The following KATNAL2 variants were observed in gnomAD, a reference collection of about 807,000 sequenced individuals.
KATNAL2 encodes the protein katanin p60 ATPase-containing subunit A-like 2.
KATNAL2 carries 52 observed loss-of-function variants against 76.3 expected under a neutral mutation model. The ratio of observed to expected loss-of-function variants is 0.68; its 90% CI spans 0.55 to 0.86. The LOEUF (loss-of-function observed/expected upper bound fraction) is 0.86. Among genes scored for constraint, KATNAL2 ranks in the 40% least tolerant of loss-of-function variants. KATNAL2 has a pLI of 0.00. For missense variants in KATNAL2, 660 were observed against 668.9 expected, an observed-to-expected ratio of 0.99 and a Z score of 0.15; for synonymous variants, 243 against 244.2, an observed-to-expected ratio of 1.00 and a Z score of 0.05.
intron 1 of KATNAL2, among the ~76,000 whole-genome samples, chr18:46,937,198 T>G (rs1203052991): frequency 6.6e-6 from 1 of 152,096 alleles, no homozygotes; most frequent in East Asian, 1.9e-4. Context: ...GTGATCTTCC[T>G]AAATCGCATA....
In KATNAL2 at chr18:47,058,283, GC is replaced by G; in HGVS notation, c.385del (p.Arg129GlyfsTer24). 1.2e-6 allele frequency: 2 copies of G among 1,614,044 alleles called. No individual in the cohort carries two copies. Among genetic ancestry groups the G allele is most frequent in the East Asian group, 2.2e-5 (1 of 44,864 alleles). On this transcript the variant is annotated frameshift_variant, in exon 7 of 18. Coordinates refer to ENST00000683218, the MANE Select transcript of KATNAL2 (RefSeq NM_001387690.1). LOFTEE classifies it high-confidence loss of function. The stretch of plus-strand genomic sequence containing the variant: ...ATCTTCCCAAGATCAATCAGCAGAG[GC>G]CCCGGTCCAAAACCACAGCGGGGAA... ...QNLPKINQQRPRSKTTAGKTG... is the reference protein window; with the variant it reads ...QNLPKINQQRXRSKTTAGKTG...
At chr18:46,965,581 GCCCC>G (rs2510018) in intron 3 of KATNAL2, among the ~76,000 whole-genome samples, 13 of 73,848 alleles carry the variant, frequency 1.8e-4, no homozygotes, top group Non-Finnish European at 1.5e-4. Flanking sequence ...TAGCATCCCC[GCCCC>G]CCCCCCCCCG....
chr18:46,919,007 ATGTG>A (rs112427539), intron 1 of KATNAL2, among the ~76,000 whole-genome samples: 5,113 of 143,250 alleles, frequency 0.036, 226 homozygotes, highest in African/African-American at 0.12. Context: ...ATATATATAT[ATGTG>A]TGTGTGTGTG....
At chr18:47,086,393 C>T (rs1330502989) in intron 15 of KATNAL2, among the ~76,000 whole-genome samples, 6 of 152,182 alleles carry the variant, frequency 3.9e-5, no homozygotes, top group Admixed American at 3.9e-4. Flanking sequence ...CTCGGCTCAC[C>T]ACAACCTCTG....
chr18:46,940,807 T>C (rs1479495406), intron 1 of KATNAL2, among the ~76,000 whole-genome samples: 1 of 152,182 alleles, frequency 6.6e-6, no homozygotes, highest in East Asian at 1.9e-4. Context: ...GACAATCACT[T>C]GAGGCCAGGA....
intron 1 of KATNAL2, among the ~76,000 whole-genome samples, chr18:46,944,956 T>C (rs1474882022): frequency 1.3e-5 from 2 of 151,850 alleles, no homozygotes; most frequent in East Asian, 3.9e-4. Flanking sequence ...AAATAAAGTA[T>C]ACAGGATGAT....
chr18:47,086,759 T>C (rs1411748501), intron 15 of KATNAL2, among the ~76,000 whole-genome samples: 1 of 152,232 alleles, frequency 6.6e-6, no homozygotes. Context: ...AAAACCCATA[T>C]GACGAGGAAA....
rs556383438 is a variant in KATNAL2, at chr18:46,956,622, G to A, written c.51+9699G>A. ...TGGTTGCTTTCTTCCCCCCATCCCA[G>A]TAGACTGTAGGCTCCTTAAGAGCAA... On this transcript the variant is annotated intron_variant, in intron 3 of 17. Coordinates refer to ENST00000683218, the MANE Select transcript of KATNAL2 (RefSeq NM_001387690.1). 1.6e-4 allele frequency among the ~76,000 whole-genome samples: 24 copies of A among 152,308 alleles called. No individual in the cohort carries two copies. In the South Asian group the frequency reaches 4.4e-3, roughly 28 times the overall value.
chr18:47,034,707 G>T (rs61745190), intron 3 of KATNAL2: 3 of 1,612,902 alleles, frequency 1.9e-6, no homozygotes, highest in Non-Finnish European at 2.5e-6. Flanking sequence ...CGGGCGCAGC[G>T]GGCTCAGGGC....
intron 4 of KATNAL2, among the ~76,000 whole-genome samples, chr18:47,050,119 C>T (rs2061295654): frequency 6.6e-6 from 1 of 152,074 alleles, no homozygotes; most frequent in African/African-American, 2.4e-5. Flanking sequence ...CTCAAGCGAT[C>T]CACCCACCTT....
intron 1 of KATNAL2, among the ~76,000 whole-genome samples, chr18:46,921,753 A>C (rs1381900409): frequency 3.9e-5 from 6 of 152,076 alleles, no homozygotes; most frequent in Non-Finnish European, 8.8e-5. Context: ...ATATCCTAGT[A>C]ATTTTAGCAA....
At position 47,059,477 on chromosome 18, in the gene KATNAL2, C is replaced by T. The variant is rs188543558; in HGVS notation, c.451-79C>T. ...AATTGCTATCCAGCATCGGACTTTG[C>T]TTGATGGAGTAGGCAGGTACATCCA... is the stretch of plus-strand genomic sequence containing the variant. On this transcript the variant is annotated intron_variant, in intron 7 of 17. Transcript: ENST00000683218. 31 of 962,440 alleles carry T rather than the reference C, an allele frequency of 3.2e-5. No individual in the cohort carries two copies. In the East Asian group the frequency reaches 7.5e-4, roughly 23 times the overall value. 59.6% of individuals were successfully genotyped at this position (962,440 alleles called of 1,614,324 possible).
At chr18:46,920,304 C>T (rs1011413068) in intron 1 of KATNAL2, 1 of 325,974 alleles carries the variant, frequency 3.1e-6, no homozygotes, top group African/African-American at 2.2e-5. Flanking sequence ...GACCCGTGCC[C>T]TAAGGTAGGC....
intron 15 of KATNAL2, among the ~76,000 whole-genome samples, chr18:47,079,606 A>G (rs1178934319): frequency 6.6e-6 from 1 of 152,002 alleles, no homozygotes; most frequent in African/African-American, 2.4e-5. Flanking sequence ...CATGCTGGCC[A>G]GACTAGTCTT....
chr18:46,950,577 G>GA (rs1208902854), intron 3 of KATNAL2, among the ~76,000 whole-genome samples: 2 of 151,878 alleles, frequency 1.3e-5, no homozygotes, highest in Non-Finnish European at 2.9e-5. Context: ...AACAAAATTT[G>GA]AAAAAAAACG....
intron 3 of KATNAL2, among the ~76,000 whole-genome samples, chr18:47,043,009 C>T (rs982500494): frequency 1.4e-4 from 21 of 151,994 alleles, no homozygotes; most frequent in African/African-American, 4.8e-4. Context: ...GGGCGGATCA[C>T]GAGGCCAGGA....
chr18:47,070,160 G>A (rs928675217), intron 13 of KATNAL2, among the ~76,000 whole-genome samples: 8 of 148,768 alleles, frequency 5.4e-5, no homozygotes, highest in Non-Finnish European at 8.9e-5. Context: ...GCAATGGTGC[G>A]ATCTTGGCTC....
At chr18:46,922,342 C>A (rs1248381871) in intron 1 of KATNAL2, among the ~76,000 whole-genome samples, 3 of 151,994 alleles carry the variant, frequency 2.0e-5, no homozygotes, top group Non-Finnish European at 2.9e-5. Context: ...AATGATCCTC[C>A]CACCTTGGCC....
At chr18:46,962,113 G>T (rs1033870589) in intron 3 of KATNAL2, among the ~76,000 whole-genome samples, 1 of 150,538 alleles carries the variant, frequency 6.6e-6, no homozygotes, top group Non-Finnish European at 1.5e-5. Flanking sequence ...TAGGATTTTG[G>T]CTCAGCCCTC....
Sources: allele counts gnomAD v4.1 joint callset (sites outside exome capture counted in the v4.1 genomes callset), GRCh38; gene constraint gnomAD v4.1.1; transcripts MANE v1.5; gene names NCBI Gene and HGNC (gene_info 2026-07-23, HGNC 2026-07-21).